SS18: variants seen among roughly 807,000 people sequenced by gnomAD.
SS18 encodes the protein protein SSXT.
Under a neutral mutation model 72.5 loss-of-function variants are expected in SS18, and 28 were observed. The observed-to-expected ratio is 0.39, with a 90% CI of 0.29 to 0.53. SS18 has a LOEUF of 0.53. Among genes scored for constraint, SS18 ranks in the 20% least tolerant of loss-of-function variants. The probability of loss-of-function intolerance (pLI) is 0.76; values close to 1 mark genes in which losing one functional copy is unlikely to be tolerated. For missense variants in SS18, 518 were observed against 535.3 expected (o/e 0.97, Z 0.32); for synonymous variants, 172 against 164.2 (o/e 1.05, Z -0.37).
Position 26,087,482 on chromosome 18 carries a change from A to G in SS18, c.146+19T>C. 1 of 1,457,630 alleles carries G rather than the reference A, an allele frequency of 6.9e-7. No individual in the cohort carries two copies. Among genetic ancestry groups the G allele is most frequent in the Non-Finnish European group, 9.4e-7 (1 of 1,060,186 alleles). The allele number at this position is 1,457,630 out of a possible 1,614,324, so 90.3% of individuals were successfully genotyped here. On this transcript the variant is annotated intron_variant, in intron 2 of 10. Coordinates refer to ENST00000415083, the MANE Select transcript of SS18 (RefSeq NM_001007559.3). ...AATACAAAAAACTGAATAAAAAAAA[A>G]GTTTCTTATCAATCTTACTGAGAAC...
At chr18:26,028,896 G>T (rs1279419501) in intron 10 of SS18, among the ~76,000 whole-genome samples, 2 of 152,144 alleles carry the variant, frequency 1.3e-5, no homozygotes, top group African/African-American at 4.8e-5. Context: ...TTTATTACAT[G>T]CAGTTTAATG....
intron 3 of SS18, 114 bp downstream of exon 3, chr18:26,077,962 C>T: frequency 1.6e-6 from 1 of 645,130 alleles, no homozygotes; most frequent in Non-Finnish European, 2.6e-6. Flanking sequence ...CTTTCATGTT[C>T]TCAGAGTAAA....
At chr18:26,043,768 A>G (rs2053770935) in intron 5 of SS18, among the ~76,000 whole-genome samples, 2 of 152,224 alleles carry the variant, frequency 1.3e-5, no homozygotes, top group Non-Finnish European at 2.9e-5. Context: ...AGCCAAGCAC[A>G]AATTTAGCTG....
chr18:26,085,735 T>C (rs1427080232), intron 2 of SS18, among the ~76,000 whole-genome samples: 1 of 152,206 alleles, frequency 6.6e-6, no homozygotes, highest in Non-Finnish European at 1.5e-5. Context: ...ACTTATACTT[T>C]ATAATTTTTT....
chr18:26,062,808 T>C (rs11875170), intron 3 of SS18, among the ~76,000 whole-genome samples: 8,515 of 152,232 alleles, frequency 0.056, 274 homozygotes, highest in East Asian at 0.12. Context: ...ACGATAAAAG[T>C]TCAACAGGAA....
At chr18:26,053,243 G>A (rs540587931) in intron 4 of SS18, among the ~76,000 whole-genome samples, 1 of 152,254 alleles carries the variant, frequency 6.6e-6, no homozygotes, top group African/African-American at 2.4e-5. Flanking sequence ...GTATTAGTGA[G>A]CAATAGAAAA....
chr18:26,067,996 G>C (rs1364200160), intron 3 of SS18, among the ~76,000 whole-genome samples: 1 of 152,060 alleles, frequency 6.6e-6, no homozygotes, highest in Non-Finnish European at 1.5e-5. Flanking sequence ...TTCACAATAG[G>C]GTTCACCTTC....
rs1441024398 is a variant in SS18, at chr18:26,036,154, T to C, written c.881-231A>G. Among the ~76,000 whole-genome samples the C allele has an allele frequency of 5.9e-5, 9 of 151,898 alleles. No individual in the cohort carries two copies. The East Asian group carries it at 1.4e-3, about 23-fold the overall frequency. On this transcript the variant is annotated intron_variant, in intron 7 of 10. Coordinates refer to ENST00000415083, the MANE Select transcript of SS18 (RefSeq NM_001007559.3). The stretch of plus-strand genomic sequence containing the variant: ...AGTAGTTTTAGAAACATTACACTTA[T>C]TGTCTTAAATCTGATAATCCTCATT...
At chr18:26,029,836 T>G (rs559515512) in intron 10 of SS18, among the ~76,000 whole-genome samples, 1 of 152,190 alleles carries the variant, frequency 6.6e-6, no homozygotes, top group Non-Finnish European at 1.5e-5. Flanking sequence ...AAGAGATCAA[T>G]AGGTCTTTGG....
intron 1 of SS18, 52 bp from the exon 2 acceptor site, chr18:26,087,629 T>TA (rs2054639713): frequency 9.2e-7 from 1 of 1,083,116 alleles, no homozygotes; most frequent in South Asian, 1.4e-5. Flanking sequence ...TCAAGTAAAA[T>TA]AAAAAACTAG....
Position 26,057,630 on chromosome 18 carries a change from G to C in SS18, c.344C>G (p.Pro115Arg). The C allele has an allele frequency of 1.2e-6, 2 of 1,614,160 alleles. No individual in the cohort carries two copies. Among genetic ancestry groups the C allele is most frequent in the South Asian group, 2.2e-5 (2 of 91,074 alleles). The change falls in exon 4 of 11, where the codon CCT becomes CGT. Residue 115 changes from proline to arginine, a missense_variant. Coordinates refer to ENST00000415083, the MANE Select transcript of SS18 (RefSeq NM_001007559.3). ...CATCTGGTTCTGCATGTGCGGTGCA[G>C]GAGGACCCCCACCTACCATTCCATC... is the stretch of plus-strand genomic sequence containing the variant. The part of the protein sequence containing the change: ...PSDGMVGGGP[P>R]APHMQNQMNG...
chr18:26,063,207 G>C (rs115732420), intron 3 of SS18, among the ~76,000 whole-genome samples: 1 of 143,366 alleles, frequency 7.0e-6, no homozygotes, highest in African/African-American at 3.0e-5. Flanking sequence ...TCAGTAGGCC[G>C]GGCACAGTGG....
intron 5 of SS18, among the ~76,000 whole-genome samples, chr18:26,048,997 T>TTA: frequency 6.6e-6 from 1 of 152,326 alleles, no homozygotes; most frequent in South Asian, 2.1e-4. Context: ...ATTAAGTAAT[T>TTA]TAGTCAAAGG....
At chr18:26,087,288 C>T (rs1307609877) in intron 2 of SS18, among the ~76,000 whole-genome samples, 1 of 152,114 alleles carries the variant, frequency 6.6e-6, no homozygotes, top group Non-Finnish European at 1.5e-5. Context: ...AAAGGATACC[C>T]AGTGTCTTTT....
chr18:26,032,693 G>C (rs979306360), intron 9 of SS18, among the ~76,000 whole-genome samples, 161 bp from the exon 10 acceptor site: 18 of 152,114 alleles, frequency 1.2e-4, no homozygotes, highest in African/African-American at 4.3e-4. Flanking sequence ...AATAAATCTG[G>C]ATGGTAATAA....
At chr18:26,024,827 C>T (rs926063942) in intron 10 of SS18, among the ~76,000 whole-genome samples, 7 of 152,046 alleles carry the variant, frequency 4.6e-5, no homozygotes, top group African/African-American at 7.2e-5. Flanking sequence ...CATAATCACA[C>T]TAAACATGTC....
intron 9 of SS18, among the ~76,000 whole-genome samples, chr18:26,033,467 G>A (rs921310643): frequency 4.0e-5 from 6 of 149,144 alleles, no homozygotes; most frequent in Non-Finnish European, 8.9e-5. Context: ...AGCAGAGATC[G>A]CACCACTGCA....
At chr18:26,041,795 T>G (rs1433411049) in intron 5 of SS18, among the ~76,000 whole-genome samples, 1 of 152,172 alleles carries the variant, frequency 6.6e-6, no homozygotes, top group African/African-American at 2.4e-5. Context: ...AACCTTGCTC[T>G]AAAGGAAAGC....
intron 2 of SS18, among the ~76,000 whole-genome samples, chr18:26,081,827 G>A (rs1398637433): frequency 6.6e-6 from 1 of 152,064 alleles, no homozygotes; most frequent in East Asian, 1.9e-4. Flanking sequence ...GGAGGCTGAG[G>A]CAGGAGGATC....
Sources: gnomAD v4.1 joint callset for allele counts (sites outside exome capture counted in the v4.1 genomes callset) on GRCh38, gnomAD v4.1.1 for gene constraint, MANE v1.5 for transcripts, NCBI Gene and HGNC (gene_info 2026-07-23, HGNC 2026-07-21) for gene names.